MYO3A: variants seen among roughly 807,000 people sequenced by gnomAD.
MYO3A encodes myosin-IIIa.
Under a neutral mutation model 192.7 loss-of-function variants are expected in MYO3A, and 180 were observed. The ratio of observed to expected loss-of-function variants is 0.93; its 90% confidence interval spans 0.83 to 1.06. The LOEUF (loss-of-function observed/expected upper bound fraction) is 1.06. MYO3A is among the 50% of genes least tolerant of loss of function. The probability of loss-of-function intolerance (pLI) is 0.00; values close to 1 mark genes in which losing one functional copy is unlikely to be tolerated. For missense variants in MYO3A, 1,896 were observed against 1,905.0 expected (o/e 1.00, Z 0.09); for synonymous variants, 628 against 645.3 (o/e 0.97, Z 0.41).
At chr10:26,032,711 C>T (rs1310453985) in intron 10 of MYO3A, among the ~76,000 whole-genome samples, 2 of 151,462 alleles carry the variant, frequency 1.3e-5, no homozygotes, top group African/African-American at 2.4e-5. Context: ...AATGTAAATT[C>T]GCTCAAATAG....
At chr10:26,109,820 C>G (rs1443571228) in intron 17 of MYO3A, among the ~76,000 whole-genome samples, 2 of 152,176 alleles carry the variant, frequency 1.3e-5, no homozygotes, top group Non-Finnish European at 2.9e-5. Flanking sequence ...CATTGCTACT[C>G]TGTTTCTAGA....
At chr10:26,071,336 C>T (rs1257566072) in intron 14 of MYO3A, among the ~76,000 whole-genome samples, 6 of 151,096 alleles carry the variant, frequency 4.0e-5, no homozygotes, top group Non-Finnish European at 8.9e-5. Context: ...TAGGCCCATA[C>T]AAAAAAAAGA....
chr10:26,126,836 C>G (rs1220704838), intron 19 of MYO3A, among the ~76,000 whole-genome samples: 1 of 152,178 alleles, frequency 6.6e-6, no homozygotes, highest in Non-Finnish European at 1.5e-5. Context: ...TGGCAACTTT[C>G]CTTTCCATTC....
intron 14 of MYO3A, among the ~76,000 whole-genome samples, chr10:26,083,552 G>A (rs1359553419): frequency 2.6e-5 from 4 of 152,148 alleles, no homozygotes; most frequent in East Asian, 3.9e-4. Flanking sequence ...AAGAGAGTGC[G>A]CATTTTTTGC....
At chr10:26,209,652 C>G (rs1410842977) in intron 34 of MYO3A, among the ~76,000 whole-genome samples, 1 of 152,204 alleles carries the variant, frequency 6.6e-6, no homozygotes, top group Non-Finnish European at 1.5e-5. Context: ...CAGGACAGCA[C>G]TTCTCTTGGT....
chr10:25,967,558 A>G (rs1337018936), intron 4 of MYO3A, among the ~76,000 whole-genome samples: 4 of 152,214 alleles, frequency 2.6e-5, no homozygotes, highest in Non-Finnish European at 5.9e-5. Flanking sequence ...TCCAGCTCCA[A>G]TATTAGATCA....
intron 2 of MYO3A, among the ~76,000 whole-genome samples, chr10:25,944,371 G>A (rs1023662058): frequency 6.6e-6 from 1 of 151,970 alleles, no homozygotes; most frequent in Non-Finnish European, 1.5e-5. Context: ...CTCTTGTAGT[G>A]CCATTGTCTG....
At chr10:25,995,963 A>C (rs1054593849) in intron 4 of MYO3A, among the ~76,000 whole-genome samples, 3 of 152,316 alleles carry the variant, frequency 2.0e-5, no homozygotes, top group Admixed American at 6.5e-5. Flanking sequence ...GACCCACTTG[A>C]GGAGGCAGTC....
chr10:25,980,051 A>G (rs2130788960), intron 4 of MYO3A, among the ~76,000 whole-genome samples: 1 of 152,286 alleles, frequency 6.6e-6, no homozygotes, highest in South Asian at 2.1e-4. Context: ...CCTGGATAAC[A>G]CGGTGAAACC....
chr10:26,122,841 T>G (rs1360594734), intron 18 of MYO3A, among the ~76,000 whole-genome samples: 3 of 152,180 alleles, frequency 2.0e-5, no homozygotes, highest in Non-Finnish European at 4.4e-5. Flanking sequence ...TAGCAATTTA[T>G]CCCCAGGTAA....
At chr10:26,011,178 C>T (rs894279415) in intron 6 of MYO3A, among the ~76,000 whole-genome samples, 8 of 152,130 alleles carry the variant, frequency 5.3e-5, no homozygotes, top group African/African-American at 1.9e-4. Context: ...CTTGTAATGC[C>T]AGCACTTTGG....
rs143674659 is a variant in MYO3A, at chr10:26,048,855, G to A, written c.954-18120G>A. 2.4e-3 allele frequency among the ~76,000 whole-genome samples: 369 copies of A among 152,224 alleles called. 2 individuals are homozygous for A. Among genetic ancestry groups the A allele is most frequent in the African/African-American group, 8.5e-3 (351 of 41,528 alleles). ...TGCTTAAAGAAGTATTCAATGCCAC[G>A]GCATTGGATGAGGTCACTGAATGTG... On this transcript the variant is annotated intron_variant, in intron 10 of 34. Transcript: ENST00000642920.
At chr10:26,039,081 C>G (rs555527745) in intron 10 of MYO3A, among the ~76,000 whole-genome samples, 4 of 151,964 alleles carry the variant, frequency 2.6e-5, no homozygotes, top group Non-Finnish European at 5.9e-5. Context: ...GCTCTTGTTG[C>G]CCAGGCTGGA....
At chr10:26,200,252 C>G (rs753313608) in intron 32 of MYO3A, among the ~76,000 whole-genome samples, 2 of 152,104 alleles carry the variant, frequency 1.3e-5, no homozygotes, top group Non-Finnish European at 2.9e-5. Flanking sequence ...TAGAGCACAA[C>G]AAATGATAAA....
intron 10 of MYO3A, among the ~76,000 whole-genome samples, chr10:26,051,481 T>C (rs1843999231): frequency 6.6e-6 from 1 of 150,398 alleles, no homozygotes; most frequent in South Asian, 2.1e-4. Flanking sequence ...CATTTTATGG[T>C]TTAGTTTTTT....
chr10:26,209,361 T>G (rs529834300), intron 34 of MYO3A, among the ~76,000 whole-genome samples: 2 of 152,320 alleles, frequency 1.3e-5, no homozygotes, highest in South Asian at 4.1e-4. Flanking sequence ...TGCATTCAGA[T>G]CCATCTTAAA....
At chr10:25,989,117 A>C (rs985946764) in intron 4 of MYO3A, among the ~76,000 whole-genome samples, 1 of 151,750 alleles carries the variant, frequency 6.6e-6, no homozygotes, top group Non-Finnish European at 1.5e-5. Context: ...TTTTTATAAA[A>C]AAATTTTTTT....
intron 23 of MYO3A, among the ~76,000 whole-genome samples, chr10:26,150,931 C>T (rs1274231424): frequency 6.6e-6 from 1 of 151,996 alleles, no homozygotes; most frequent in Non-Finnish European, 1.5e-5. Flanking sequence ...CTAATATCAG[C>T]ACTTATATGG....
At chr10:26,111,770 G>T (rs1038139554) in intron 17 of MYO3A, among the ~76,000 whole-genome samples, 3 of 152,184 alleles carry the variant, frequency 2.0e-5, no homozygotes, top group Admixed American at 2.0e-4. Flanking sequence ...ACTGTGCCTG[G>T]CTCTGTTGGA....
Sources: allele counts gnomAD v4.1 joint callset (sites outside exome capture counted in the v4.1 genomes callset), GRCh38; gene constraint gnomAD v4.1.1; transcripts MANE v1.5; gene names NCBI Gene and HGNC (gene_info 2026-07-23, HGNC 2026-07-21).